CACNG5: variants seen among roughly 807,000 people sequenced by gnomAD.
The protein encoded by CACNG5 is calcium voltage-gated channel auxiliary subunit gamma 5.
In CACNG5, 18 loss-of-function variants were observed where a neutral mutation model predicts 24.8. The observed-to-expected ratio is 0.73, with a 90% CI of 0.50 to 1.08. CACNG5 has a LOEUF of 1.08. Ranked by LOEUF, CACNG5 falls within the 50% of genes least tolerant of loss-of-function variation. CACNG5 has a pLI of 0.00. For missense variants in CACNG5, 349 were observed against 367.9 expected (o/e 0.95, Z 0.42); for synonymous variants, 157 against 149.1 (o/e 1.05, Z -0.39).
intron 1 of CACNG5, among the ~76,000 whole-genome samples, chr17:66,865,906 G>C (rs1210724783): frequency 2.0e-5 from 3 of 151,090 alleles, no homozygotes; most frequent in African/African-American, 7.3e-5. Flanking sequence ...CTCCCAAAGT[G>C]CTGGGATTAC....
Position 66,884,628 on chromosome 17 carries a change from T to C in CACNG5, c.537T>C (p.Phe179=). The C allele has an allele frequency of 1.1e-5, 17 of 1,614,202 alleles. No individual in the cohort carries two copies. Among genetic ancestry groups the C allele is most frequent in the Non-Finnish European group, 1.4e-5 (17 of 1,180,034 alleles). Residue 179 remains phenylalanine, a synonymous_variant, in exon 5 of 6, where the codon TTT becomes TTC. Transcript: ENST00000533854. ...TCAACTACAAGTATGGGTGGTCGTT[T>C]GCCTTCGCCGCCATCTCCTTCCTTT... ...TYFNYKYGWS[F]AFAAISFLLT... is the part of the protein sequence containing the mutation.
intron 3 of CACNG5, among the ~76,000 whole-genome samples, chr17:66,879,697 C>T (rs1279794391): frequency 6.6e-6 from 1 of 152,184 alleles, no homozygotes; most frequent in African/African-American, 2.4e-5. Context: ...GAGCTTCAGA[C>T]TCTTCTCTCC....
chr17:66,849,588 C>G (rs895395881), intron 1 of CACNG5, among the ~76,000 whole-genome samples: 1 of 152,184 alleles, frequency 6.6e-6, no homozygotes, highest in African/African-American at 2.4e-5. Flanking sequence ...AATGGCTGAA[C>G]ACAGGTGGGG....
At position 66,838,960 on chromosome 17, in the gene CACNG5, C is replaced by CTTTTTTTTTTTTTTTTTTTTTTTTTT. The variant is rs71160595; in HGVS notation, c.-104+3729_-104+3730insTTTTTTTTTTTTTTTTTTTTTTTTTT. Among the ~76,000 whole-genome samples the CTTTTTTTTTTTTTTTTTTTTTTTTTT allele has an allele frequency of 5.7e-5, 5 of 88,098 alleles. 1 individual carries two copies. Among genetic ancestry groups the CTTTTTTTTTTTTTTTTTTTTTTTTTT allele is most frequent in the Admixed American group, 1.3e-4 (1 of 7,642 alleles). The allele number at this position is 88,098 out of a possible 152,430, so 57.8% of individuals were successfully genotyped here. A position where few individuals can be genotyped will look rare whatever the true frequency, so the allele number is the denominator to read the frequency against. On this transcript the variant is annotated intron_variant, in intron 1 of 5. Transcript: ENST00000533854. ...GTAGCACCCCAGTCCCTCACCCATT[C>CTTTTTTTTTTTTTTTTTTTTTTTTTT]TTTTTTTTTTTTTTTTTTTGAGACA...
intron 1 of CACNG5, among the ~76,000 whole-genome samples, chr17:66,861,152 A>T (rs534045899): frequency 2.6e-5 from 4 of 152,256 alleles, no homozygotes; most frequent in Non-Finnish European, 4.4e-5. Context: ...ATTGTAATAT[A>T]TTTGACAATA....
At chr17:66,859,906 C>T (rs914630257) in intron 1 of CACNG5, among the ~76,000 whole-genome samples, 5 of 152,016 alleles carry the variant, frequency 3.3e-5, no homozygotes, top group Non-Finnish European at 7.4e-5. Flanking sequence ...CCACCTCTTC[C>T]ATAATCACTA....
chr17:66,893,747 A>C lies in CACNG5; in HGVS notation c.*8507A>C, dbSNP rs1977374752. On this transcript the variant is annotated 3_prime_UTR_variant, in exon 6 of 6. Transcript: ENST00000533854. The stretch of plus-strand genomic sequence containing the variant: ...CCCGCCCCCCCAACCCGGCATTCTG[A>C]AGCCCTTCAGCTGGAGAGGAGGAAG... 7.1e-6 allele frequency among the ~76,000 whole-genome samples: 1 copy of C among 140,168 alleles called. No individual in the cohort carries two copies. The highest frequency in any genetic ancestry group is 2.6e-5 in the African/African-American group (1 of 37,878). 92.0% of individuals were successfully genotyped at this position (140,168 alleles called of 152,430 possible). A position where few individuals can be genotyped will look rare whatever the true frequency, so the allele number is the denominator to read the frequency against.
chr17:66,884,914 A>G, intron 5 of CACNG5, 69 bp from the exon 6 acceptor site: 1 of 1,613,900 alleles, frequency 6.2e-7, no homozygotes. Flanking sequence ...TGTCCTGTGC[A>G]GACCCCAGCC....
chr17:66,848,655 C>G (rs1399686209), intron 1 of CACNG5, among the ~76,000 whole-genome samples: 1 of 152,186 alleles, frequency 6.6e-6, no homozygotes, highest in Non-Finnish European at 1.5e-5. Flanking sequence ...TTTACCTTGG[C>G]AGGGGAGACG....
chr17:66,862,902 G>C (rs759080171), intron 1 of CACNG5, among the ~76,000 whole-genome samples: 10,992 of 91,978 alleles, frequency 0.12, 564 homozygotes, highest in East Asian at 0.46. Context: ...CTGTGTGTGT[G>C]TGTGTGTGTG....
At chr17:66,869,693 G>A (rs958854982) in intron 1 of CACNG5, among the ~76,000 whole-genome samples, 1 of 152,106 alleles carries the variant, frequency 6.6e-6, no homozygotes, top group Admixed American at 6.5e-5. Flanking sequence ...GGCCATGCCT[G>A]GAATTTATAT....
chr17:66,880,441 AG>A (rs1458493668), intron 3 of CACNG5, 115 bp from the exon 4 acceptor site: 1 of 1,281,966 alleles, frequency 7.8e-7, no homozygotes, highest in Non-Finnish European at 1.1e-6. Context: ...GAACCCCTGC[AG>A]GGGTGGGGCT....
chr17:66,873,471 C>CCACTT (rs1247043585), intron 1 of CACNG5, among the ~76,000 whole-genome samples: 1 of 152,134 alleles, frequency 6.6e-6, no homozygotes, highest in African/African-American at 2.4e-5. Context: ...AATCTCCTCT[C>CCACTT]CACTTTCATC....
At chr17:66,842,561 T>G (rs1178176763) in intron 1 of CACNG5, among the ~76,000 whole-genome samples, 1 of 152,126 alleles carries the variant, frequency 6.6e-6, no homozygotes, top group Non-Finnish European at 1.5e-5. Context: ...TTAGAGGCCT[T>G]AGGTGTGTCC....
chr17:66,873,835 GA>G (rs1977042250), intron 1 of CACNG5, among the ~76,000 whole-genome samples: 1 of 151,698 alleles, frequency 6.6e-6, no homozygotes, highest in Non-Finnish European at 1.5e-5. Context: ...AATAAGTTTG[GA>G]AAATACAGAA....
At chr17:66,860,683 T>C (rs1293995123) in intron 1 of CACNG5, among the ~76,000 whole-genome samples, 1 of 150,572 alleles carries the variant, frequency 6.6e-6, no homozygotes, top group East Asian at 1.9e-4. Flanking sequence ...GCAAGTGACA[T>C]CAGACATTAA....
At chr17:66,853,891 A>G (rs1333819498) in intron 1 of CACNG5, among the ~76,000 whole-genome samples, 2 of 152,280 alleles carry the variant, frequency 1.3e-5, no homozygotes, top group East Asian at 1.9e-4. Flanking sequence ...GAATATCACT[A>G]TCATCACTTT....
intron 1 of CACNG5, among the ~76,000 whole-genome samples, chr17:66,854,909 A>G (rs973519289): frequency 3.3e-5 from 5 of 152,214 alleles, no homozygotes; most frequent in African/African-American, 1.2e-4. Context: ...ACATAAAAAG[A>G]TACCCCATAT....
Position 66,886,341 on chromosome 17 carries a change from A to G in CACNG5, c.*1101A>G, listed in dbSNP as rs1977260387. Among the ~76,000 whole-genome samples, 1 of 152,146 alleles carries G rather than the reference A, an allele frequency of 6.6e-6. No individual in the cohort carries two copies. The highest frequency in any genetic ancestry group is 1.5e-5 in the Non-Finnish European group (1 of 68,022). Reference sequence around the variant, plus strand: ...TGAACATTGGGGGGTTGCCAATTTAATCCTAATATAGAGGAGTGTCTGCTT... The same window carrying G: ...TGAACATTGGGGGGTTGCCAATTTAGTCCTAATATAGAGGAGTGTCTGCTT... On this transcript the variant is annotated 3_prime_UTR_variant, in exon 6 of 6. Coordinates refer to ENST00000533854, the MANE Select transcript of CACNG5 (RefSeq NM_145811.3).
Sources: allele counts gnomAD v4.1 joint callset (sites outside exome capture counted in the v4.1 genomes callset), GRCh38; gene constraint gnomAD v4.1.1; transcripts MANE v1.5; gene names NCBI Gene and HGNC (gene_info 2026-07-23, HGNC 2026-07-21).